ERBIN: variants seen among roughly 807,000 people sequenced by gnomAD.
ERBIN encodes densin-180-like protein.
In ERBIN, 60 loss-of-function variants were observed where a neutral mutation model predicts 158.4. The observed-to-expected ratio is 0.38, with a 90% CI of 0.31 to 0.47. The LOEUF is 0.47. ERBIN is among the 20% of genes least tolerant of loss of function. ERBIN has a pLI of 0.99. For synonymous variants in ERBIN, 594 were observed against 557.2 expected (o/e 1.07, Z -0.93); for missense variants, 1,610 against 1,648.0 (o/e 0.98, Z 0.40).
intron 23 of ERBIN, among the ~76,000 whole-genome samples, chr5:66,075,692 T>C (rs1761920571): frequency 6.6e-6 from 1 of 152,150 alleles, no homozygotes; most frequent in Admixed American, 6.5e-5. Flanking sequence ...ATGATAATAT[T>C]AGAAAGGTAG....
At chr5:66,048,837 T>A in intron 19 of ERBIN, 56 bp downstream of exon 19, 1 of 1,060,952 alleles carries the variant, frequency 9.4e-7, no homozygotes. Flanking sequence ...AATTTATAAA[T>A]TTTTTTGAAA....
At chr5:66,020,025 T>G (rs1007843509) in intron 7 of ERBIN, among the ~76,000 whole-genome samples, 3 of 152,136 alleles carry the variant, frequency 2.0e-5, no homozygotes, top group Non-Finnish European at 4.4e-5. Context: ...AACCTTTCGC[T>G]TGTTAATGAA....
intron 14 of ERBIN, among the ~76,000 whole-genome samples, chr5:66,032,635 C>G (rs1757003292): frequency 6.6e-6 from 1 of 152,064 alleles, no homozygotes; most frequent in African/African-American, 2.4e-5. Context: ...GCCTTTTTGG[C>G]TGCATGGTGG....
chr5:66,078,556 A>C lies in ERBIN; in HGVS notation c.*26A>C, dbSNP rs1233744531. On this transcript the variant is annotated 3_prime_UTR_variant, in exon 26 of 26. Transcript: ENST00000284037. ...GCACTGTGGACAAAAAAAGCGGGGAAGACAGCAAGATTTATTGGAAGATAC... is the reference window on the plus strand; with the variant it reads ...GCACTGTGGACAAAAAAAGCGGGGACGACAGCAAGATTTATTGGAAGATAC... 5.9e-6 allele frequency: 8 copies of C among 1,360,318 alleles called. No individual in the cohort carries two copies. Among genetic ancestry groups the C allele is most frequent in the Non-Finnish European group, 8.4e-6 (8 of 952,302 alleles). 84.3% of individuals were successfully genotyped at this position (1,360,318 alleles called of 1,614,324 possible).
chr5:66,002,942 G>T (rs560334307), intron 4 of ERBIN, among the ~76,000 whole-genome samples: 1 of 152,162 alleles, frequency 6.6e-6, no homozygotes. Flanking sequence ...TCCATGTTTA[G>T]ACTGGTGATT....
intron 1 of ERBIN, among the ~76,000 whole-genome samples, chr5:65,968,588 T>G (rs1461663853): frequency 6.6e-6 from 1 of 152,234 alleles, no homozygotes; most frequent in African/African-American, 2.4e-5. Context: ...TGAGACGATG[T>G]CTTGCTCCGT....
chr5:66,009,672 C>G (rs973181715), intron 4 of ERBIN, among the ~76,000 whole-genome samples: 3 of 152,066 alleles, frequency 2.0e-5, no homozygotes, highest in Admixed American at 6.6e-5. Context: ...TCTTGTAGAT[C>G]AGTGTTCAGT....
intron 14 of ERBIN, among the ~76,000 whole-genome samples, chr5:66,030,200 G>A (rs555664182): frequency 4.6e-5 from 7 of 151,326 alleles, no homozygotes; most frequent in South Asian, 2.1e-4. Flanking sequence ...CACCACGCCC[G>A]GCTAATTTTT....
intron 1 of ERBIN, among the ~76,000 whole-genome samples, chr5:65,987,025 G>A (rs1438626304): frequency 6.6e-6 from 1 of 152,112 alleles, no homozygotes; most frequent in South Asian, 2.1e-4. Flanking sequence ...CACATACGAG[G>A]CTAGAAAAAT....
chr5:66,056,026 G>C (rs1759542507), intron 21 of ERBIN, among the ~76,000 whole-genome samples: 1 of 151,934 alleles, frequency 6.6e-6, no homozygotes, highest in Non-Finnish European at 1.5e-5. Context: ...TTGAACTTTT[G>C]TGCTTTTTCT....
chr5:65,927,818 A>G (rs1742844746), intron 1 of ERBIN, among the ~76,000 whole-genome samples: 1 of 152,196 alleles, frequency 6.6e-6, no homozygotes, highest in African/African-American at 2.4e-5. Flanking sequence ...CAGAGCTATG[A>G]ACACTTCTGA....
At chr5:65,951,721 A>C (rs898553081) in intron 1 of ERBIN, among the ~76,000 whole-genome samples, 20 of 152,238 alleles carry the variant, frequency 1.3e-4, no homozygotes, top group Non-Finnish European at 4.4e-5. Context: ...CTATGTATAA[A>C]GTCCTTGTTT....
chr5:65,976,243 G>A (rs1300041071), intron 1 of ERBIN, among the ~76,000 whole-genome samples: 1 of 152,178 alleles, frequency 6.6e-6, no homozygotes, highest in Admixed American at 6.5e-5. Flanking sequence ...GGAAGCTGAG[G>A]TGCTTGGATC....
At chr5:66,045,692 A>G (rs1399077880) in intron 17 of ERBIN, among the ~76,000 whole-genome samples, 2 of 152,188 alleles carry the variant, frequency 1.3e-5, no homozygotes, top group African/African-American at 4.8e-5. Flanking sequence ...AATTACTATC[A>G]TTACCACTCT....
At chr5:65,961,434 A>G (rs1168452728) in intron 1 of ERBIN, 1 of 152,216 alleles carries the variant, frequency 6.6e-6, no homozygotes, top group Non-Finnish European at 1.5e-5. Context: ...AAAATGAAAA[A>G]TTCTCAATTC....
chr5:66,076,182 C>T, intron 23 of ERBIN, 134 bp from the exon 24 acceptor site: 1 of 663,736 alleles, frequency 1.5e-6, no homozygotes. Flanking sequence ...CTTCATCTGA[C>T]CAAATATTTA....
At chr5:66,034,603 AT>A (rs1757206951) in intron 14 of ERBIN, among the ~76,000 whole-genome samples, 1 of 148,174 alleles carries the variant, frequency 6.7e-6, no homozygotes, top group African/African-American at 2.6e-5. Context: ...CTGTTCTTGA[AT>A]CCTTTTTTTT....
chr5:66,076,374 G>A lies in ERBIN; in HGVS notation c.4022G>A (p.Gly1341Glu). ...ELGFSISGGV[G>E]GRGNPFRPDD... is the part of the protein sequence containing the mutation. The stretch of plus-strand genomic sequence containing the variant: ...GGATTTAGCATATCAGGTGGTGTCG[G>A]GGGTAGAGGAAACCCATTCAGACCT... Residue 1341 changes from glycine to glutamate, a missense_variant, in exon 24 of 26, where the codon GGG (glycine) becomes GAG (glutamate). By Grantham distance (98) the Gly-to-Glu change is moderately conservative. Around this residue, in one of 2 missense-constraint regions of ERBIN, gnomAD observed 1,014 missense variants for 936.1 expected, o/e 1.08. Coordinates refer to ENST00000284037, the MANE Select transcript of ERBIN (RefSeq NM_001253697.2). The A allele has an allele frequency of 6.2e-7, 1 of 1,613,422 alleles. No individual in the cohort carries two copies. The highest frequency in any genetic ancestry group is 8.5e-7 in the Non-Finnish European group (1 of 1,179,748).
At chr5:65,937,806 G>A (rs1744268824) in intron 1 of ERBIN, among the ~76,000 whole-genome samples, 1 of 152,188 alleles carries the variant, frequency 6.6e-6, no homozygotes, top group Admixed American at 6.5e-5. Context: ...CTACTCGGGA[G>A]GCTGAGGCAG....
Sources: allele counts gnomAD v4.1 joint callset (sites outside exome capture counted in the v4.1 genomes callset), GRCh38; gene constraint gnomAD v4.1.1; regional missense constraint gnomAD v4.1.1; transcripts MANE v1.5; gene names NCBI Gene and HGNC (gene_info 2026-07-23, HGNC 2026-07-21).